The following NARS2 variants were observed in gnomAD, a reference collection of about 807,000 sequenced individuals.
The protein encoded by NARS2 is asparaginyl-tRNA synthetase 2, mitochondrial.
Under a neutral mutation model 62.9 loss-of-function variants are expected in NARS2, and 60 were observed. The ratio of observed to expected loss-of-function variants is 0.95; its 90% CI spans 0.77 to 1.18. The LOEUF is 1.18. NARS2 is among the 50% of genes most tolerant of loss of function. The probability of loss-of-function intolerance (pLI) is 0.00; values close to 1 mark genes in which losing one functional copy is unlikely to be tolerated. For missense variants in NARS2, 619 were observed against 576.4 expected, an observed-to-expected ratio of 1.07 and a Z score of -0.76; for synonymous variants, 196 against 200.0, an observed-to-expected ratio of 0.98 and a Z score of 0.17.
chr11:78,499,041 C>T (rs1161480350), intron 6 of NARS2, among the ~76,000 whole-genome samples: 5 of 151,240 alleles, frequency 3.3e-5, no homozygotes, highest in East Asian at 2.0e-4. Flanking sequence ...CTCAGCCTCC[C>T]GAGTAGCTGG....
At chr11:78,444,188 A>G (rs1857671146) in intron 11 of NARS2, 1 of 151,624 alleles carries the variant, frequency 6.6e-6, no homozygotes, top group Admixed American at 6.4e-5. Context: ...ACTTCACATT[A>G]TGTTTTAATA....
intron 5 of NARS2, among the ~76,000 whole-genome samples, chr11:78,547,984 C>T (rs1359545463): frequency 6.6e-6 from 1 of 152,224 alleles, no homozygotes; most frequent in East Asian, 1.9e-4. Context: ...TTTTGGCAGG[C>T]TGAGATTGGA....
At chr11:78,521,804 A>G (rs998817741) in intron 6 of NARS2, among the ~76,000 whole-genome samples, 1 of 151,322 alleles carries the variant, frequency 6.6e-6, no homozygotes, top group East Asian at 1.9e-4. Context: ...AAAAAAAAAA[A>G]AAAAAGAAAA....
intron 11 of NARS2, among the ~76,000 whole-genome samples, chr11:78,451,591 G>A (rs1857974324): frequency 6.6e-6 from 1 of 152,188 alleles, no homozygotes; most frequent in Admixed American, 6.5e-5. Context: ...GGGAGGCTGA[G>A]ACTGGCTTAT....
At chr11:78,546,267 T>C (rs1855871486) in intron 5 of NARS2, among the ~76,000 whole-genome samples, 1 of 152,200 alleles carries the variant, frequency 6.6e-6, no homozygotes, top group African/African-American at 2.4e-5. Flanking sequence ...ACAAATAGTT[T>C]GAGGTCTCAC....
At chr11:78,545,688 A>G (rs1855844660) in intron 5 of NARS2, among the ~76,000 whole-genome samples, 1 of 151,762 alleles carries the variant, frequency 6.6e-6, no homozygotes, top group Non-Finnish European at 1.5e-5. Context: ...CACTGTGGCC[A>G]GCTAATTTTT....
At chr11:78,569,301 T>C (rs1265515069) in intron 2 of NARS2, among the ~76,000 whole-genome samples, 3 of 152,178 alleles carry the variant, frequency 2.0e-5, no homozygotes, top group African/African-American at 4.8e-5. Flanking sequence ...TGGTAAATGA[T>C]AGTACATCTG....
chr11:78,512,851 G>A (rs772045160), intron 6 of NARS2, among the ~76,000 whole-genome samples: 14 of 151,924 alleles, frequency 9.2e-5, no homozygotes, highest in Non-Finnish European at 2.1e-4. Context: ...TTGTGTACAG[G>A]CACTCAATCA....
chr11:78,460,931 C>T (rs1425161104), intron 11 of NARS2, among the ~76,000 whole-genome samples: 1 of 152,106 alleles, frequency 6.6e-6, no homozygotes, highest in African/African-American at 2.4e-5. Flanking sequence ...TTTCCCTAAA[C>T]AATACAGCAT....
At chr11:78,504,621 G>C (rs1376150026) in intron 6 of NARS2, among the ~76,000 whole-genome samples, 1 of 152,018 alleles carries the variant, frequency 6.6e-6, no homozygotes. Flanking sequence ...TTTTCTAAAG[G>C]AGCAAAGATA....
chr11:78,450,393 T>G (rs947145478), intron 11 of NARS2, among the ~76,000 whole-genome samples: 3 of 152,202 alleles, frequency 2.0e-5, no homozygotes, highest in African/African-American at 7.2e-5. Flanking sequence ...ATATCTTTAC[T>G]TGGTACTAAT....
chr11:78,505,269 TACACACACACACACACACACAC>T (rs10533814), intron 6 of NARS2, among the ~76,000 whole-genome samples: 24 of 133,428 alleles, frequency 1.8e-4, no homozygotes, highest in African/African-American at 2.6e-4. Flanking sequence ...GAAAACAAAA[TACACACACACACACACACACAC>T]ACACACACAC....
At chr11:78,485,329 C>T (rs942950014) in intron 7 of NARS2, among the ~76,000 whole-genome samples, 4 of 152,060 alleles carry the variant, frequency 2.6e-5, no homozygotes, top group African/African-American at 9.7e-5. Flanking sequence ...GTGCGGCAAA[C>T]CACCATGGCA....
At chr11:78,507,804 C>A (rs892184262) in intron 6 of NARS2, among the ~76,000 whole-genome samples, 1 of 152,050 alleles carries the variant, frequency 6.6e-6, no homozygotes, top group African/African-American at 2.4e-5. Context: ...CAGGCGTTAG[C>A]CACTGGCACC....
chr11:78,460,977 T>C (rs1461511840), intron 11 of NARS2, among the ~76,000 whole-genome samples: 1 of 152,238 alleles, frequency 6.6e-6, no homozygotes, highest in Non-Finnish European at 1.5e-5. Flanking sequence ...TTGTATTAGG[T>C]ATTATAAGTA....
intron 6 of NARS2, among the ~76,000 whole-genome samples, chr11:78,494,088 T>C (rs1036316867): frequency 6.6e-6 from 1 of 152,220 alleles, no homozygotes; most frequent in African/African-American, 2.4e-5. Flanking sequence ...GTGAGAGATT[T>C]TGAGGAACTA....
At chr11:78,566,515 A>G (rs748157427) in intron 3 of NARS2, among the ~76,000 whole-genome samples, 2 of 152,240 alleles carry the variant, frequency 1.3e-5, no homozygotes, top group Non-Finnish European at 2.9e-5. Context: ...AACTGAGCTA[A>G]TATCACTGAA....
chr11:78,564,047 C>T (rs1050150155), intron 4 of NARS2, among the ~76,000 whole-genome samples: 8 of 149,422 alleles, frequency 5.4e-5, no homozygotes, highest in South Asian at 2.1e-4. Flanking sequence ...TACAGGCACA[C>T]GCCACCATAC....
chr11:78,497,617 A>C (rs948022990), intron 6 of NARS2, among the ~76,000 whole-genome samples: 4 of 152,180 alleles, frequency 2.6e-5, no homozygotes, highest in African/African-American at 9.6e-5. Context: ...TTTTCTCATC[A>C]TTCAGGAAAA....
Sources: gnomAD v4.1 joint callset for allele counts (sites outside exome capture counted in the v4.1 genomes callset) on GRCh38, gnomAD v4.1.1 for gene constraint, MANE v1.5 for transcripts, NCBI Gene and HGNC (gene_info 2026-07-23, HGNC 2026-07-21) for gene names.